ABCC1: variants seen among roughly 807,000 people sequenced by gnomAD.
The protein encoded by ABCC1 is ATP binding cassette subfamily C member 1 (ABCC1 blood group).
In ABCC1, 83 loss-of-function variants were observed where a neutral mutation model predicts 172.9. The observed-to-expected ratio is 0.48, with a 90% CI of 0.40 to 0.58. The LOEUF (loss-of-function observed/expected upper bound fraction) is 0.58. Ranked by LOEUF, ABCC1 falls within the 20% of genes least tolerant of loss-of-function variation. The pLI is 0.00. For missense variants in ABCC1, 1,817 were observed against 2,002.7 expected (o/e 0.91, Z 1.77); for synonymous variants, 937 against 825.2 (o/e 1.14, Z -2.32).
intron 1 of ABCC1, among the ~76,000 whole-genome samples, chr16:16,002,552 C>T (rs781534717): frequency 1.3e-5 from 2 of 152,162 alleles, no homozygotes; most frequent in Non-Finnish European, 2.9e-5. Context: ...GCGAGTGGAT[C>T]GCTTGAGCTC....
At chr16:16,105,695 ATTTCTTTTCT>A (rs757391655) in intron 20 of ABCC1, among the ~76,000 whole-genome samples, 4 of 147,928 alleles carry the variant, frequency 2.7e-5, no homozygotes, top group African/African-American at 7.5e-5. Context: ...GGTCTCCATA[ATTTCTTTTCT>A]TTTCTTTTCT....
At chr16:16,051,921 A>T (rs1296925877) in intron 10 of ABCC1, among the ~76,000 whole-genome samples, 3 of 152,192 alleles carry the variant, frequency 2.0e-5, no homozygotes, top group Admixed American at 2.0e-4. Context: ...TTTTCTGCTT[A>T]CTACCTTATT....
Position 16,133,460 on chromosome 16 carries a change from G to A in ABCC1, c.3967-890G>A, listed in dbSNP as rs532872948. Among the ~76,000 whole-genome samples, 6 of 152,214 alleles carry A rather than the reference G, an allele frequency of 3.9e-5. No homozygotes were observed. The South Asian group carries it at 1.0e-3, about 26-fold the overall frequency. ...ACTCTGTCACCCAGGCTGGAGTCCA[G>A]TGGTGCTATTTCGGCTCACTGCAAC... On this transcript the variant is annotated intron_variant, in intron 27 of 30. Coordinates refer to ENST00000399410, the MANE Select transcript of ABCC1 (RefSeq NM_004996.4).
chr16:16,013,764 A>T (rs2151752366), intron 3 of ABCC1, among the ~76,000 whole-genome samples: 1 of 152,248 alleles, frequency 6.6e-6, no homozygotes, highest in Middle Eastern at 3.4e-3. Context: ...GGGATGGTGG[A>T]GGTGAAGCCT....
chr16:16,137,901 G>A (rs974163533), intron 29 of ABCC1, among the ~76,000 whole-genome samples: 2 of 151,374 alleles, frequency 1.3e-5, no homozygotes, highest in African/African-American at 4.9e-5. Flanking sequence ...GTCTCACTCT[G>A]TTGCCTAGGC....
rs1465953524 is a variant in ABCC1, at chr16:15,982,098, T to C, written c.49-25718T>C. ...ACTATCAGCGTTTTGGTCCAAGTCA[T>C]TCAATAAGTCCCTAGGAAGTTCCAA... On this transcript the variant is annotated intron_variant, in intron 1 of 30. Transcript: ENST00000399410. Among the ~76,000 whole-genome samples the C allele has an allele frequency of 2.6e-5, 4 of 152,180 alleles. No homozygotes were observed. The East Asian group carries it at 5.8e-4, about 22-fold the overall frequency.
chr16:16,075,660 A>T (rs758195592), intron 14 of ABCC1, among the ~76,000 whole-genome samples: 5 of 152,122 alleles, frequency 3.3e-5, no homozygotes, highest in African/African-American at 4.8e-5. Flanking sequence ...GAACCAGTTA[A>T]CGTGGGCTTT....
intron 1 of ABCC1, among the ~76,000 whole-genome samples, chr16:15,975,118 GCAGT>G (rs1182543669): frequency 6.6e-6 from 1 of 152,156 alleles, no homozygotes; most frequent in African/African-American, 2.4e-5. Flanking sequence ...CAGCTCTTCG[GCAGT>G]CAGAGATGTT....
chr16:16,073,197 GA>G (rs900203665), intron 14 of ABCC1, among the ~76,000 whole-genome samples: 29 of 152,178 alleles, frequency 1.9e-4, no homozygotes, highest in African/African-American at 5.3e-4. Context: ...GAGGGTGATG[GA>G]AACCCCCATT....
At chr16:16,086,626 T>C (rs1157087296) in intron 17 of ABCC1, among the ~76,000 whole-genome samples, 198 bp from the exon 18 acceptor site, 2 of 89,324 alleles carry the variant, frequency 2.2e-5, no homozygotes, top group Non-Finnish European at 2.1e-5. Context: ...GCTAATTTTT[T>C]CTTTTCTTTT....
chr16:15,971,494 C>G (rs920111478), intron 1 of ABCC1, among the ~76,000 whole-genome samples: 34 of 152,188 alleles, frequency 2.2e-4, no homozygotes, highest in African/African-American at 8.2e-4. Flanking sequence ...CAAACATTTC[C>G]CAAGGACCCC....
intron 1 of ABCC1, among the ~76,000 whole-genome samples, chr16:15,997,335 C>T (rs1383665796): frequency 6.6e-6 from 1 of 152,140 alleles, no homozygotes; most frequent in Non-Finnish European, 1.5e-5. Flanking sequence ...TCGTGATCCA[C>T]CTGCCTTGGC....
intron 6 of ABCC1, among the ~76,000 whole-genome samples, chr16:16,034,289 A>G (rs1191498133): frequency 1.3e-5 from 2 of 151,768 alleles, no homozygotes; most frequent in Non-Finnish European, 2.9e-5. Flanking sequence ...CAGCCTCCAG[A>G]GTGCTGGGAT....
At chr16:16,105,735 T>C (rs1387268027) in intron 20 of ABCC1, among the ~76,000 whole-genome samples, 4 of 144,380 alleles carry the variant, frequency 2.8e-5, no homozygotes, top group Non-Finnish European at 6.0e-5. Context: ...TTTTTTGACA[T>C]GAGTCTCCCT....
intron 3 of ABCC1, among the ~76,000 whole-genome samples, chr16:16,010,555 T>C (rs371969520): frequency 2.0e-5 from 3 of 152,126 alleles, no homozygotes; most frequent in East Asian, 1.9e-4. Context: ...AGGGGGTGGG[T>C]TGCTAAGCTA....
At chr16:16,090,141 G>A (rs1448777437) in intron 18 of ABCC1, among the ~76,000 whole-genome samples, 3 of 152,208 alleles carry the variant, frequency 2.0e-5, no homozygotes, top group African/African-American at 7.2e-5. Flanking sequence ...ATCTGGGGCA[G>A]GGGTCTTTGT....
chr16:15,999,834 G>GTCTC (rs2047217187), intron 1 of ABCC1, among the ~76,000 whole-genome samples: 1 of 9,418 alleles, frequency 1.1e-4, no homozygotes, highest in Non-Finnish European at 5.7e-4. Flanking sequence ...CTCTCTCTCT[G>GTCTC]TCTCTTTCTT....
intron 1 of ABCC1, among the ~76,000 whole-genome samples, chr16:15,991,781 A>T (rs143163885): frequency 9.9e-5 from 15 of 152,234 alleles, no homozygotes; most frequent in African/African-American, 3.4e-4. Context: ...CCGACTCTGC[A>T]GTGGCCTTGA....
intron 22 of ABCC1, among the ~76,000 whole-genome samples, chr16:16,114,056 C>A (rs569368240): frequency 9.8e-5 from 15 of 152,300 alleles, no homozygotes; most frequent in African/African-American, 3.6e-4. Context: ...TGCTGCCAAT[C>A]TGTGGCCCCG....
Sources: allele counts gnomAD v4.1 joint callset (sites outside exome capture counted in the v4.1 genomes callset), GRCh38; gene constraint gnomAD v4.1.1; transcripts MANE v1.5; gene names NCBI Gene and HGNC (gene_info 2026-07-23, HGNC 2026-07-21).